The following TJP2 variants were observed in gnomAD, a reference collection of about 807,000 sequenced individuals.
The protein encoded by TJP2 is tight junction protein 2, also known as Friedreich ataxia region gene X104 (tight junction protein ZO-2).
TJP2 carries 91 observed loss-of-function variants against 133.1 expected under a neutral mutation model. The observed-to-expected ratio is 0.68, with a 90% CI of 0.58 to 0.81. TJP2 has a LOEUF of 0.81. Ranked by LOEUF, TJP2 falls within the 40% of genes least tolerant of loss-of-function variation. The pLI, the probability that TJP2 is intolerant of heterozygous loss-of-function variation, is 0.00. For missense variants in TJP2, 1,541 were observed against 1,565.6 expected (o/e 0.98, Z 0.26); for synonymous variants, 592 against 583.4 (o/e 1.01, Z -0.21).
chr9:69,187,059 T>C (rs1317055714), intron 1 of TJP2, among the ~76,000 whole-genome samples: 1 of 152,208 alleles, frequency 6.6e-6, no homozygotes, highest in Non-Finnish European at 1.5e-5. Context: ...GTGATGTACT[T>C]TTCCAGGAAA....
intron 1 of TJP2, among the ~76,000 whole-genome samples, chr9:69,148,989 A>G (rs890565431): frequency 1.3e-5 from 2 of 152,078 alleles, no homozygotes; most frequent in African/African-American, 4.8e-5. Flanking sequence ...TCCTTTTGAA[A>G]TCTGTAAAGT....
intron 2 of TJP2, among the ~76,000 whole-genome samples, chr9:69,163,405 G>A (rs2053367497): frequency 6.6e-6 from 1 of 152,098 alleles, no homozygotes; most frequent in African/African-American, 2.4e-5. Flanking sequence ...GGAGGCCAAG[G>A]CAGGTGGATT....
At chr9:69,187,295 A>C (rs1825920883) in intron 1 of TJP2, among the ~76,000 whole-genome samples, 1 of 152,156 alleles carries the variant, frequency 6.6e-6, no homozygotes, top group South Asian at 2.1e-4. Context: ...TTAAATATAA[A>C]TGTTGACCTG....
intron 5 of TJP2, among the ~76,000 whole-genome samples, chr9:69,221,989 A>G (rs1347340232): frequency 2.0e-5 from 3 of 149,698 alleles, no homozygotes; most frequent in African/African-American, 7.4e-5. Flanking sequence ...TTCCTGCCTC[A>G]GCCTCCCTAG....
intron 4 of TJP2, among the ~76,000 whole-genome samples, chr9:69,219,743 AT>A (rs1828668734): frequency 6.6e-6 from 1 of 152,122 alleles, no homozygotes; most frequent in Non-Finnish European, 1.5e-5. Context: ...TCTTTGATAT[AT>A]GTTTTCTTCC....
rs758886043 is a variant in TJP2, at chr9:69,234,439, G to C, written c.1672G>C (p.Val558Leu). The change falls in exon 12 of 23, where the codon GTG becomes CTG. Residue 558 changes from valine (V) to leucine (L), a missense_variant and splice_region_variant. Physicochemically the swap from Val to Leu is conservative, Grantham distance 32 (BLOSUM62 1). Transcript: ENST00000377245. ...GLQEGDQILK[V>L]NTQDFRGLVR... is the part of the protein sequence containing the mutation. ...TTTTTCTGTTTTTCCTTCCTAATAG[G>C]TGAACACACAGGATTTCAGAGGATT... The C allele has an allele frequency of 1.9e-6, 3 of 1,542,466 alleles. No homozygotes were observed. Among genetic ancestry groups the C allele is most frequent in the Non-Finnish European group, 2.7e-6 (3 of 1,128,074 alleles).
intron 1 of TJP2, among the ~76,000 whole-genome samples, chr9:69,204,259 C>A (rs914743973): frequency 2.6e-5 from 4 of 152,174 alleles, no homozygotes; most frequent in African/African-American, 7.2e-5. Flanking sequence ...GATTTATATA[C>A]ATCTCAGCCT....
chr9:69,180,998 CTTG>C, intron 1 of TJP2, among the ~76,000 whole-genome samples: 1 of 152,190 alleles, frequency 6.6e-6, no homozygotes, highest in East Asian at 1.9e-4. Flanking sequence ...TTGGGGCAGG[CTTG>C]TTGTATAAGC....
intron 2 of TJP2, among the ~76,000 whole-genome samples, chr9:69,167,210 C>T (rs1030420526): frequency 3.3e-5 from 5 of 152,064 alleles, no homozygotes; most frequent in African/African-American, 1.2e-4. Flanking sequence ...TGCACCCCAG[C>T]CTGGGCAACA....
At chr9:69,231,295 A>T (rs1476006747) in intron 11 of TJP2, among the ~76,000 whole-genome samples, 1 of 152,032 alleles carries the variant, frequency 6.6e-6, no homozygotes, top group African/African-American at 2.4e-5. Context: ...ACAGGGTTTC[A>T]TCATGTTGCC....
intron 1 of TJP2, among the ~76,000 whole-genome samples, chr9:69,195,417 A>AT (rs112744969): frequency 0.071 from 10,382 of 145,872 alleles, 467 homozygotes; most frequent in East Asian, 0.23. Flanking sequence ...CTATCAGCTG[A>AT]TTTTTTTTTT....
At chr9:69,210,299 C>CCCCCCAA (rs377382335) in intron 1 of TJP2, among the ~76,000 whole-genome samples, 2 of 28,662 alleles carry the variant, frequency 7.0e-5, no homozygotes, top group African/African-American at 1.3e-4. Flanking sequence ...CCCCCCCCCC[C>CCCCCCAA]AAAAAAAAAA....
At chr9:69,162,946 G>A (rs543259009) in intron 2 of TJP2, among the ~76,000 whole-genome samples, 81 of 152,112 alleles carry the variant, frequency 5.3e-4, no homozygotes, top group African/African-American at 1.8e-3. Context: ...AAAAAGAATT[G>A]TAAGACCAGA....
At chr9:69,171,150 C>T (rs1824656049), upstream of TJP2, among the ~76,000 whole-genome samples, 1 of 152,226 alleles carries the variant, frequency 6.6e-6, no homozygotes, top group African/African-American at 2.4e-5. Flanking sequence ...AAGCCACCGT[C>T]ATCTCCTTTA....
intron 1 of TJP2, among the ~76,000 whole-genome samples, chr9:69,139,589 G>A (rs1040037497): frequency 6.6e-6 from 1 of 152,156 alleles, no homozygotes; most frequent in African/African-American, 2.4e-5. Context: ...GCAGGCATGA[G>A]ATAATGAATT....
chr9:69,211,294 G>A (rs970711105), intron 1 of TJP2, among the ~76,000 whole-genome samples: 5 of 152,166 alleles, frequency 3.3e-5, no homozygotes, highest in South Asian at 2.1e-4. Context: ...TGAAGATCAC[G>A]CCACTGTACT....
chr9:69,130,815 G>T (rs1483056381), intron 1 of TJP2, among the ~76,000 whole-genome samples: 1 of 152,128 alleles, frequency 6.6e-6, no homozygotes, highest in East Asian at 1.9e-4. Context: ...TGGACAGAGG[G>T]TTATGAGGAG....
chr9:69,242,315 C>T (rs754663225), intron 17 of TJP2, among the ~76,000 whole-genome samples: 4 of 152,164 alleles, frequency 2.6e-5, no homozygotes, highest in Non-Finnish European at 5.9e-5. Context: ...TTTCAAGATC[C>T]TTGAAGGCAG....
intron 3 of TJP2, among the ~76,000 whole-genome samples, chr9:69,216,989 CT>C (rs10718586): frequency 0.87 from 116,430 of 133,404 alleles, 50,957 homozygotes; most frequent in East Asian, 0.94. Flanking sequence ...TTTTTCTTTT[CT>C]TTTTTTTTTT....
Sources: gnomAD v4.1 joint callset for allele counts (sites outside exome capture counted in the v4.1 genomes callset) on GRCh38, gnomAD v4.1.1 for gene constraint, MANE v1.5 for transcripts, NCBI Gene and HGNC (gene_info 2026-07-23, HGNC 2026-07-21) for gene names.